LYPD5: variants seen among roughly 807,000 people sequenced by gnomAD.
The protein encoded by LYPD5 is LY6/PLAUR domain containing 5, also known as ly6/PLAUR domain-containing protein 5.
LYPD5 carries 21 observed loss-of-function variants against 19.1 expected under a neutral mutation model. The ratio of observed to expected loss-of-function variants is 1.10; its 90% confidence interval spans 0.78 to 1.58. The LOEUF is 1.58. LYPD5 is among the 40% of genes most tolerant of loss of function. The probability of loss-of-function intolerance (pLI) is 0.00; values close to 1 mark genes in which losing one functional copy is unlikely to be tolerated. For synonymous variants in LYPD5, 128 were observed against 142.7 expected (o/e 0.90, Z 0.74); for missense variants, 287 against 329.8 (o/e 0.87, Z 1.00).
rs758656065 is a variant in LYPD5, at chr19:43,802,312, C to T, written c.64+5G>A. 2.1e-5 allele frequency: 32 copies of T among 1,551,136 alleles called. No homozygotes were observed. In the East Asian group the frequency reaches 3.7e-4, roughly 18 times the overall value. On this transcript the variant is annotated splice_donor_5th_base_variant and intron_variant, in intron 1 of 4. Transcript: ENST00000377950. ...TCTCACTACTGGATTCAGAAGTTTG[C>T]GTACCTGTCAGGCAGAGCGCAGCCC...
chr19:43,818,537 C>A (rs1212427247), intron 1 of LYPD5, among the ~76,000 whole-genome samples: 1 of 152,176 alleles, frequency 6.6e-6, no homozygotes, highest in Admixed American at 6.5e-5. Context: ...ACTTCCAGGT[C>A]GCGTGTGAAT....
At chr19:43,806,347 G>T (rs1229657100), upstream of LYPD5, among the ~76,000 whole-genome samples, 1 of 152,162 alleles carries the variant, frequency 6.6e-6, no homozygotes, top group African/African-American at 2.4e-5. Flanking sequence ...ACCCCTAGAG[G>T]GGACCATCTA....
intron 1 of LYPD5, among the ~76,000 whole-genome samples, chr19:43,820,322 A>G (rs1397169779): frequency 6.6e-6 from 1 of 152,096 alleles, no homozygotes; most frequent in Non-Finnish European, 1.5e-5. Flanking sequence ...CAACGTCACC[A>G]TTCGCACGGT....
At chr19:43,817,911 T>G (rs1032410279) in intron 1 of LYPD5, among the ~76,000 whole-genome samples, 1 of 152,034 alleles carries the variant, frequency 6.6e-6, no homozygotes, top group Non-Finnish European at 1.5e-5. Flanking sequence ...AGATGAGGTT[T>G]CACCTTTTTG....
intron 1 of LYPD5, among the ~76,000 whole-genome samples, chr19:43,810,995 C>T (rs1374665228): frequency 6.6e-6 from 1 of 152,122 alleles, no homozygotes; most frequent in Non-Finnish European, 1.5e-5. Flanking sequence ...TGATCAAACA[C>T]CTTTCTTTGG....
chr19:43,816,613 T>A (rs1356644723), intron 1 of LYPD5, among the ~76,000 whole-genome samples: 2 of 152,234 alleles, frequency 1.3e-5, no homozygotes, highest in African/African-American at 4.8e-5. Context: ...AGATGTCACA[T>A]CTGACATAGC....
At chr19:43,799,862 C>G (rs760762946) in intron 1 of LYPD5, 28 bp from the exon 2 acceptor site, 37 of 1,589,728 alleles carry the variant, frequency 2.3e-5, no homozygotes, top group Non-Finnish European at 2.8e-5. Context: ...GCAGAGTCAG[C>G]AGGGCCAGTG....
rs1369903286 is a variant in LYPD5 at position 43,807,462 on chromosome 19, T to TTAGTAGAGATGGGGTTTCACCATTTTGG, written c.-65-7656_-65-7629dup. The stretch of plus-strand genomic sequence containing the variant: ...CCACGCCCAGCTAATTTTTGTGTTT[T>TTAGTAGAGATGGGGTTTCACCATTTTGG]TAGTAGAGATGGGGTTTCACCATTT... On this transcript the variant is annotated intron_variant, in intron 1 of 4. Transcript: ENST00000414615. Among the ~76,000 whole-genome samples the TTAGTAGAGATGGGGTTTCACCATTTTGG allele has an allele frequency of 9.2e-5, 14 of 152,022 alleles. 1 individual carries two copies. Among genetic ancestry groups the TTAGTAGAGATGGGGTTTCACCATTTTGG allele is most frequent in the Admixed American group, 7.2e-4 (11 of 15,256 alleles).
At chr19:43,805,347 C>A (rs978462429), upstream of LYPD5, among the ~76,000 whole-genome samples, 5 of 152,120 alleles carry the variant, frequency 3.3e-5, no homozygotes, top group African/African-American at 1.2e-4. Flanking sequence ...TTAAGATATT[C>A]CCTAAGTAAT....
intron 1 of LYPD5, among the ~76,000 whole-genome samples, chr19:43,811,693 A>G (rs1214645595): frequency 1.4e-5 from 2 of 139,564 alleles, no homozygotes; most frequent in Non-Finnish European, 3.1e-5. Context: ...GAAAGAAAGA[A>G]AGAAGGAAAG....
upstream of LYPD5, among the ~76,000 whole-genome samples, chr19:43,802,673 C>G (rs1004309173): frequency 6.6e-6 from 1 of 152,106 alleles, no homozygotes; most frequent in African/African-American, 2.4e-5. Context: ...TCCCAGCACT[C>G]TGCTCTAATC....
At position 43,802,441 on chromosome 19, in the gene LYPD5, C is replaced by T. The variant is rs954222985; in HGVS notation, c.-61G>A. The T allele has an allele frequency of 1.3e-6, 2 of 1,487,424 alleles. No homozygotes were observed. The highest frequency in any genetic ancestry group is 1.4e-5 in the African/African-American group (1 of 71,750). 92.1% of individuals were successfully genotyped at this position (1,487,424 alleles called of 1,614,324 possible). On this transcript the variant is annotated 5_prime_UTR_variant, in exon 1 of 5. Coordinates refer to ENST00000377950, the MANE Select transcript of LYPD5 (RefSeq NM_001031749.3). ...TGTGATGTGCTGCCTGGCTGGTTCT[C>T]CTTACTGAGTCCTAAGCATCCCGGC...
At chr19:43,805,043 C>T (rs796570700), upstream of LYPD5, among the ~76,000 whole-genome samples, 9 of 152,332 alleles carry the variant, frequency 5.9e-5, no homozygotes, top group African/African-American at 2.2e-4. Flanking sequence ...CTTCATCTGC[C>T]TGGTGTCTGA....
chr19:43,799,724 T>C lies in LYPD5; in HGVS notation c.175A>G (p.Ile59Val), dbSNP rs1290784181. ...TCCTTACCGGTGTCCAGAGACAGGA[T>C]AGCCTCAAAGCACTCATGAGGACAG... ...ISCPHECFEA[I>V]LSLDTGYRAP... The change falls in exon 2 of 5, where the codon ATC becomes GTC. Residue 59 changes from isoleucine (I) to valine (V), a missense_variant. Ile to Val is a conservative substitution (Grantham distance 29). Coordinates refer to ENST00000377950, the MANE Select transcript of LYPD5 (RefSeq NM_001031749.3). 6.2e-7 allele frequency: 1 copy of C among 1,613,470 alleles called. No homozygotes were observed. Among genetic ancestry groups the C allele is most frequent in the East Asian group, 2.2e-5 (1 of 44,880 alleles).
chr19:43,798,992 G>A lies in LYPD5; in HGVS notation c.194-4C>T, dbSNP rs1420563942. 2 of 1,562,990 alleles carry A rather than the reference G, an allele frequency of 1.3e-6. No individual in the cohort carries two copies. Among genetic ancestry groups the A allele is most frequent in the African/African-American group, 1.4e-5 (1 of 74,014 alleles). On this transcript the variant is annotated splice_polypyrimidine_tract_variant and splice_region_variant and intron_variant, in intron 2 of 4. Transcript: ENST00000377950. The stretch of plus-strand genomic sequence containing the variant: ...AGGGTCACCGGCGCGCGATACCCTG[G>A]GGGCGGGATCGGGGCTCGTGCTCTG...
rs560596568 is a variant in LYPD5 at position 43,797,291 on chromosome 19, G to A, written c.*300C>T. ...CTCTGGAGGGAGAGCACAGGAAGCCGTGTTATGGGGTGCCTGGTGCCTGGC... is the reference window on the plus strand; with the variant it reads ...CTCTGGAGGGAGAGCACAGGAAGCCATGTTATGGGGTGCCTGGTGCCTGGC... On this transcript the variant is annotated 3_prime_UTR_variant, in exon 5 of 5. Transcript: ENST00000377950. The A allele has an allele frequency of 3.0e-4, 112 of 371,564 alleles. No homozygotes were observed. Among genetic ancestry groups the A allele is most frequent in the African/African-American group, 1.7e-3 (84 of 48,748 alleles). 23.0% of individuals were successfully genotyped at this position (371,564 alleles called of 1,614,324 possible).
chr19:43,812,247 G>A lies in LYPD5; in HGVS notation c.-66+8293C>T, dbSNP rs150855623. On this transcript the variant is annotated intron_variant, in intron 1 of 4. Transcript: ENST00000414615. The stretch of plus-strand genomic sequence containing the variant: ...AATGTCCCATGTCCCATTGGCCACA[G>A]CAAGTCACCAGGGTATCCCAGAGTC... 2.7e-3 allele frequency among the ~76,000 whole-genome samples: 407 copies of A among 152,258 alleles called. 5 individuals are homozygous for A. Among genetic ancestry groups the A allele is most frequent in the Middle Eastern group, 0.024 (7 of 294 alleles).
upstream of LYPD5, among the ~76,000 whole-genome samples, chr19:43,804,761 G>A (rs1772225457): frequency 6.6e-6 from 1 of 152,172 alleles, no homozygotes; most frequent in South Asian, 2.1e-4. Context: ...TCCAGACCGG[G>A]GCAGGGTTGT....
chr19:43,799,655 CCT>C lies in LYPD5; in HGVS notation c.193+49_193+50del, dbSNP rs751359952. The C allele has an allele frequency of 5.8e-6, 9 of 1,561,956 alleles. No homozygotes were observed. The South Asian group carries it at 1.1e-4, about 18-fold the overall frequency. The stretch of plus-strand genomic sequence containing the variant: ...CCTCCCTTTCTGCTCCCCTCTCCCC[CCT>C]TTTTCCTCCCTAATCTCTCATCCCT... On this transcript the variant is annotated intron_variant, in intron 2 of 4. Coordinates refer to ENST00000377950, the MANE Select transcript of LYPD5 (RefSeq NM_001031749.3).
Sources: gnomAD v4.1 joint callset for allele counts (sites outside exome capture counted in the v4.1 genomes callset) on GRCh38, gnomAD v4.1.1 for gene constraint, MANE v1.5 for transcripts, NCBI Gene and HGNC (gene_info 2026-07-23, HGNC 2026-07-21) for gene names.